Variants in ZNF592 observed in about 807,000 individuals in gnomAD.
ZNF592 encodes zinc finger protein 592, also known as spinocerebellar ataxia, autosomal recessive 5.
ZNF592 carries 11 observed loss-of-function variants against 80.3 expected under a neutral mutation model. The observed-to-expected ratio is 0.14, with a 90% CI of 0.09 to 0.23. The LOEUF (loss-of-function observed/expected upper bound fraction) is 0.23, where lower values mean the gene tolerates loss of function less well. ZNF592 is among the 10% of genes least tolerant of loss of function. The pLI is 1.00. For synonymous variants in ZNF592, 646 were observed against 640.3 expected (o/e 1.01, Z -0.13); for missense variants, 1,420 against 1,633.9 (o/e 0.87, Z 2.26).
intron 1 of ZNF592, chr15:84,753,107 A>G (rs1286787026): frequency 6.6e-6 from 1 of 152,266 alleles, no homozygotes; most frequent in Non-Finnish European, 1.5e-5. Context: ...ATTAATTGAT[A>G]GAATGAATAA....
chr15:84,798,453 G>A lies in ZNF592; in HGVS notation c.2715G>A (p.Pro905=), dbSNP rs1237253263. Residue 905 remains proline (P), a synonymous_variant, in exon 7 of 11, where the codon CCG becomes CCA. Transcript: ENST00000560079. This position sits in a 1 kb window ranked among gnomAD's most constrained non-coding sequence, Gnocchi z 4.5. The stretch of plus-strand genomic sequence containing the variant: ...GCCCACTCTTGTTCGTGCAGAAGCC[G>A]GAGTTGATGCAACACGTCAAGGTGG... ...PECPLLFVQK[P]ELMQHVKSTH... is the part of the protein sequence containing the mutation. 2.5e-6 allele frequency: 4 copies of A among 1,614,034 alleles called. No individual in the cohort carries two copies. Among genetic ancestry groups the A allele is most frequent in the Non-Finnish European group, 3.4e-6 (4 of 1,179,912 alleles).
chr15:84,756,694 A>G (rs181487914), intron 1 of ZNF592, among the ~76,000 whole-genome samples: 2 of 152,308 alleles, frequency 1.3e-5, no homozygotes, highest in African/African-American at 4.8e-5. Context: ...ACCATTTAAT[A>G]CTTTATTAAG....
intron 2 of ZNF592, among the ~76,000 whole-genome samples, chr15:84,769,920 C>T (rs1346706442): frequency 6.6e-6 from 1 of 152,152 alleles, no homozygotes; most frequent in Non-Finnish European, 1.5e-5. Flanking sequence ...GTACTACAGG[C>T]ATGGGCCACT....
At chr15:84,758,595 A>C (rs559565287) in intron 1 of ZNF592, among the ~76,000 whole-genome samples, 1 of 152,080 alleles carries the variant, frequency 6.6e-6, no homozygotes, top group East Asian at 1.9e-4. Context: ...ATTATTCTTA[A>C]TTAGCATGTG....
At chr15:84,792,091 A>C (rs761258640) in intron 5 of ZNF592, among the ~76,000 whole-genome samples, 7 of 151,980 alleles carry the variant, frequency 4.6e-5, no homozygotes, top group Non-Finnish European at 1.0e-4. Flanking sequence ...GAGACTGAAG[A>C]CTTCTTGAAA....
At chr15:84,761,177 G>A (rs557673859) in intron 1 of ZNF592, among the ~76,000 whole-genome samples, 1 of 152,172 alleles carries the variant, frequency 6.6e-6, no homozygotes, top group East Asian at 1.9e-4. Context: ...TGTTGGCCAG[G>A]CCAGTCTCAA....
rs1332923443 is a variant in ZNF592 at position 84,790,743 on chromosome 15, C to T, written c.2259C>T (p.Cys753=). 2 of 1,614,166 alleles carry T rather than the reference C, an allele frequency of 1.2e-6. No individual in the cohort carries two copies. The highest frequency in any genetic ancestry group is 2.7e-5 in the African/African-American group (2 of 75,044). ...GCCAAATGCTGCTGCCCAACCAGTG[C>T]AGTTTCTGTGCCCACCAGCGGATTC... is the stretch of plus-strand genomic sequence containing the variant. The part of the protein sequence containing the change: ...QVCQMLLPNQ[C]SFCAHQRIHA... Residue 753 remains cysteine (C), a synonymous_variant, in exon 5 of 11, where the codon TGC becomes TGT. Coordinates refer to ENST00000560079, the MANE Select transcript of ZNF592 (RefSeq NM_014630.3).
intron 5 of ZNF592, among the ~76,000 whole-genome samples, chr15:84,796,274 TATATATATATATATATATATAA>T (rs1567076361): frequency 0.12 from 5,650 of 49,106 alleles, 533 homozygotes; most frequent in East Asian, 0.22. Context: ...ATTTTATATA[TATATATATATATATATATATAA>T]AAAAACGAAG....
chr15:84,765,598 A>G (rs927756191), intron 2 of ZNF592, among the ~76,000 whole-genome samples: 2 of 124,254 alleles, frequency 1.6e-5, no homozygotes, highest in Non-Finnish European at 1.6e-5. Flanking sequence ...GAGTGCAGTG[A>G]TGTGATCTTG....
chr15:84,779,984 G>GTTTTTTTTTT lies in ZNF592; in HGVS notation c.-20+1676_-20+1677insTTTTTTTTTT, dbSNP rs72491489. Among the ~76,000 whole-genome samples the GTTTTTTTTTT allele has an allele frequency of 1.5e-5, 2 of 131,762 alleles. 1 individual carries two copies. The highest frequency in any genetic ancestry group is 5.7e-5 in the African/African-American group (2 of 35,248). 86.4% of individuals were successfully genotyped at this position (131,762 alleles called of 152,430 possible). ...CCCCTCAATCTTTTTTTCCTAGACA[G>GTTTTTTTTTT]TTTTGTTTTTTTTTTTTTTTGAGTT... On this transcript the variant is annotated intron_variant, in intron 3 of 10. Coordinates refer to ENST00000560079, the MANE Select transcript of ZNF592 (RefSeq NM_014630.3).
At chr15:84,766,951 A>G (rs1776950607) in intron 2 of ZNF592, among the ~76,000 whole-genome samples, 2 of 152,168 alleles carry the variant, frequency 1.3e-5, no homozygotes, top group South Asian at 4.1e-4. Context: ...GGCACCCTCA[A>G]AACCACCAAA....
chr15:84,756,048 C>T (rs941942025), intron 1 of ZNF592, among the ~76,000 whole-genome samples: 1 of 152,124 alleles, frequency 6.6e-6, no homozygotes, highest in African/African-American at 2.4e-5. Flanking sequence ...CTCCTATGGA[C>T]CATTGGGCTC....
chr15:84,795,619 G>A (rs1962872762), intron 5 of ZNF592, among the ~76,000 whole-genome samples: 1 of 152,214 alleles, frequency 6.6e-6, no homozygotes, highest in South Asian at 2.1e-4. Context: ...GGCCACTTTG[G>A]ATGAATGTGG....
At chr15:84,770,823 G>A (rs12443381) in intron 2 of ZNF592, among the ~76,000 whole-genome samples, 7,370 of 152,248 alleles carry the variant, frequency 0.048, 289 homozygotes, top group Admixed American at 0.12. Context: ...TCCAGCAGCG[G>A]CCTTCAGACA....
intron 1 of ZNF592, among the ~76,000 whole-genome samples, chr15:84,761,251 C>A (rs1462133061): frequency 6.6e-6 from 1 of 151,882 alleles, no homozygotes; most frequent in East Asian, 1.9e-4. Flanking sequence ...CAGGCATGAA[C>A]CACCATGCCC....
At chr15:84,785,941 T>C (rs1962575578) in intron 4 of ZNF592, among the ~76,000 whole-genome samples, 1 of 152,128 alleles carries the variant, frequency 6.6e-6, no homozygotes, top group Non-Finnish European at 1.5e-5. Flanking sequence ...GTTAGTGGTT[T>C]CTCTGAAGAA....
In ZNF592 at chr15:84,802,234, G is replaced by T; in HGVS notation, c.3645G>T (p.Glu1215Asp). 1.2e-6 allele frequency: 2 copies of T among 1,601,682 alleles called. No homozygotes were observed. The highest frequency in any genetic ancestry group is 1.7e-6 in the Non-Finnish European group (2 of 1,171,336). The change falls in exon 11 of 11, where the codon GAG (glutamate) becomes GAT (aspartate). Residue 1215 changes from glutamate (E) to aspartate (D), a missense_variant. Glu to Asp is a conservative substitution (Grantham distance 45, BLOSUM62 2). Transcript: ENST00000560079. ...AGGAGGTGCCCATGGAGACTAGAGAGAATGGACTGGAAGAATGTGCCGGTG... is the reference window on the plus strand; with the variant it reads ...AGGAGGTGCCCATGGAGACTAGAGATAATGGACTGGAAGAATGTGCCGGTG... The part of the protein sequence containing the change: ...SGEEVPMETR[E>D]NGLEECAGEP...
chr15:84,801,218 A>G (rs1053980601), intron 10 of ZNF592, among the ~76,000 whole-genome samples: 11 of 152,214 alleles, frequency 7.2e-5, no homozygotes, highest in African/African-American at 2.7e-4. Flanking sequence ...CCATCTATTC[A>G]GGAGGCTGAG....
chr15:84,784,982 TG>T lies in ZNF592; in HGVS notation c.2220+92del. ...GCATGGAGAGGAAAGCTCATTGATA[TG>T]GGGGCAGTGGTGGAATCTTATGAGT... is the stretch of plus-strand genomic sequence containing the variant. On this transcript the variant is annotated intron_variant, in intron 4 of 10. Transcript: ENST00000560079. This position sits in a 1 kb window ranked among gnomAD's most constrained non-coding sequence, Gnocchi z 5.8. The T allele has an allele frequency of 2.1e-6, 3 of 1,414,788 alleles. No individual in the cohort carries two copies. Among genetic ancestry groups the T allele is most frequent in the Non-Finnish European group, 3.0e-6 (3 of 1,001,682 alleles). 87.6% of individuals were successfully genotyped at this position (1,414,788 alleles called of 1,614,324 possible). A position where few individuals can be genotyped will look rare whatever the true frequency, so the allele number is the denominator to read the frequency against.
Sources: allele counts gnomAD v4.1 joint callset (sites outside exome capture counted in the v4.1 genomes callset), GRCh38; gene constraint gnomAD v4.1.1; non-coding constraint Gnocchi (gnomAD v3.1); transcripts MANE v1.5; gene names NCBI Gene and HGNC (gene_info 2026-07-23, HGNC 2026-07-21).